GORAB: variants seen among roughly 807,000 people sequenced by gnomAD.
GORAB encodes golgin, RAB6 interacting.
A neutral mutation model predicts 29.9 loss-of-function variants in GORAB; 17 were observed. That is an observed-to-expected ratio of 0.57 (90% confidence interval 0.39 to 0.85). GORAB has a LOEUF of 0.85. Ranked by LOEUF, GORAB falls within the 40% of genes least tolerant of loss-of-function variation. The pLI is 0.00. For missense variants in GORAB, 442 were observed against 437.8 expected, an observed-to-expected ratio of 1.01 and a Z score of -0.09; for synonymous variants, 183 against 157.2, an observed-to-expected ratio of 1.16 and a Z score of -1.23.
Position 170,539,268 on chromosome 1 carries a change from A to G in GORAB, c.120A>G (p.Arg40=). ...PAKKSRQQLQ[R]EKALVEQSQK... The stretch of plus-strand genomic sequence containing the variant: ...AGAAAAGTCGACAACAACTTCAGCG[A>G]GAAAAAGCCCTTGTAGAGCAAAGCC... Residue 40 remains arginine (R), a synonymous_variant, in exon 2 of 5, where the codon CGA becomes CGG. Coordinates refer to ENST00000367763, the MANE Select transcript of GORAB (RefSeq NM_152281.3). The G allele has an allele frequency of 6.2e-7, 1 of 1,614,180 alleles. No individual in the cohort carries two copies. Among genetic ancestry groups the G allele is most frequent in the Non-Finnish European group, 8.5e-7 (1 of 1,180,012 alleles).
intron 2 of GORAB, among the ~76,000 whole-genome samples, chr1:170,540,689 A>G (rs1268944913): frequency 1.3e-5 from 2 of 152,230 alleles, no homozygotes; most frequent in South Asian, 2.1e-4. Context: ...GAGCTGGACA[A>G]TTTGGATTGG....
Position 170,553,230 on chromosome 1 carries a change from G to T in GORAB, c.*768G>T. On this transcript the variant is annotated 3_prime_UTR_variant, in exon 5 of 5. Coordinates refer to ENST00000367763, the MANE Select transcript of GORAB (RefSeq NM_152281.3). ...TGAAAATAATATAGAAAATCTCATT[G>T]CTACTTGTGATTATCAAAAAAAGTA... is the stretch of plus-strand genomic sequence containing the variant. 2.3e-6 allele frequency: 1 copy of T among 439,508 alleles called. No individual in the cohort carries two copies. The highest frequency in any genetic ancestry group is 4.5e-6 in the Non-Finnish European group (1 of 222,388). The allele number at this position is 439,508 out of a possible 1,614,324, so 27.2% of individuals were successfully genotyped here. A position where few individuals can be genotyped will look rare whatever the true frequency, so the allele number is the denominator to read the frequency against.
intron 4 of GORAB, among the ~76,000 whole-genome samples, chr1:170,546,454 C>T (rs1031432196): frequency 2.0e-4 from 30 of 151,626 alleles, no homozygotes; most frequent in African/African-American, 4.6e-4. Context: ...TGGAGAAAGA[C>T]GCTTTTTCAT....
chr1:170,552,969 T>G lies in GORAB; in HGVS notation c.*507T>G, dbSNP rs1249444086. ...GTTGAATTATCTATCTGGATATTAC[T>G]AGAGTTGTAAAACACAACTTGGAAA... On this transcript the variant is annotated 3_prime_UTR_variant, in exon 5 of 5. Coordinates refer to ENST00000367763, the MANE Select transcript of GORAB (RefSeq NM_152281.3). 2 of 452,710 alleles carry G rather than the reference T, an allele frequency of 4.4e-6. No homozygotes were observed. The highest frequency in any genetic ancestry group is 8.8e-6 in the Non-Finnish European group (2 of 226,454). 28.0% of individuals were successfully genotyped at this position (452,710 alleles called of 1,614,324 possible).
At chr1:170,541,778 G>A (rs181665502) in intron 2 of GORAB, among the ~76,000 whole-genome samples, 14 of 152,124 alleles carry the variant, frequency 9.2e-5, no homozygotes, top group African/African-American at 2.7e-4. Context: ...CTTTAGCCCA[G>A]CATTCCAGTC....
At chr1:170,549,563 G>A (rs539910860) in intron 4 of GORAB, among the ~76,000 whole-genome samples, 1 of 152,224 alleles carries the variant, frequency 6.6e-6, no homozygotes, top group Admixed American at 6.5e-5. Context: ...GAAAAGGGAG[G>A]TTTGAGGCAG....
intron 4 of GORAB, chr1:170,545,273 C>G (rs1209096671): frequency 1.0e-6 from 1 of 985,858 alleles, no homozygotes; most frequent in Non-Finnish European, 1.2e-6. Flanking sequence ...GAAGTCTAGT[C>G]CTCACTTTAG....
At chr1:170,549,102 AAG>A (rs1264787298) in intron 4 of GORAB, among the ~76,000 whole-genome samples, 1 of 152,176 alleles carries the variant, frequency 6.6e-6, no homozygotes, top group Non-Finnish European at 1.5e-5. Context: ...TACCAAAACA[AAG>A]AGACAATTTC....
chr1:170,539,175 C>T, intron 1 of GORAB, 35 bp from the exon 2 acceptor site: 1 of 1,612,700 alleles, frequency 6.2e-7, no homozygotes, highest in East Asian at 2.2e-5. Flanking sequence ...TTGCTGCCCA[C>T]ACAAAGGAAT....
intron 4 of GORAB, among the ~76,000 whole-genome samples, chr1:170,547,079 G>A (rs114660983): frequency 0.013 from 2,038 of 152,228 alleles, 21 homozygotes; most frequent in Middle Eastern, 0.024. Flanking sequence ...TTGTTCATGC[G>A]TAAGATTAAG....
intron 4 of GORAB, 28 bp from the exon 5 acceptor site, chr1:170,551,987 G>A (rs779033213): frequency 1.9e-6 from 3 of 1,586,444 alleles, no homozygotes; most frequent in South Asian, 2.2e-5. Context: ...GAAAACTGAT[G>A]GACCTATCTT....
chr1:170,540,382 A>C (rs1649340778), intron 2 of GORAB, among the ~76,000 whole-genome samples: 1 of 151,276 alleles, frequency 6.6e-6, no homozygotes, highest in African/African-American at 2.4e-5. Flanking sequence ...CTCCTGATTT[A>C]TCTCTCACAG....
chr1:170,537,144 C>A (rs1412827520), intron 1 of GORAB, among the ~76,000 whole-genome samples: 1 of 150,834 alleles, frequency 6.6e-6, no homozygotes, highest in East Asian at 2.0e-4. Flanking sequence ...TCCTTTCTTT[C>A]TTCTTTGTCT....
At chr1:170,535,305 A>G (rs1338288292) in intron 1 of GORAB, among the ~76,000 whole-genome samples, 1 of 152,196 alleles carries the variant, frequency 6.6e-6, no homozygotes, top group Non-Finnish European at 1.5e-5. Context: ...CTTTTTAATC[A>G]TATAGGTTGG....
At chr1:170,549,435 A>T (rs1157523343) in intron 4 of GORAB, among the ~76,000 whole-genome samples, 1 of 152,240 alleles carries the variant, frequency 6.6e-6, no homozygotes, top group Non-Finnish European at 1.5e-5. Flanking sequence ...AGGGTGATAG[A>T]TCAATGGAAA....
At chr1:170,538,768 T>C (rs1649208262) in intron 1 of GORAB, among the ~76,000 whole-genome samples, 1 of 152,170 alleles carries the variant, frequency 6.6e-6, no homozygotes, top group Admixed American at 6.5e-5. Flanking sequence ...CTGTTAAAAT[T>C]TAAGAGAGGG....
chr1:170,534,742 G>A (rs1333557838), intron 1 of GORAB, among the ~76,000 whole-genome samples: 1 of 152,084 alleles, frequency 6.6e-6, no homozygotes, highest in Non-Finnish European at 1.5e-5. Context: ...GTATATAGTA[G>A]GCTGTACCAT....
rs1650252238 is a variant in GORAB, at chr1:170,553,398, A to C, written c.*936A>C. 1 of 451,492 alleles carries C rather than the reference A, an allele frequency of 2.2e-6. No homozygotes were observed. Among genetic ancestry groups the C allele is most frequent in the South Asian group, 1.6e-5 (1 of 63,088 alleles). 28.0% of individuals were successfully genotyped at this position (451,492 alleles called of 1,614,324 possible). On this transcript the variant is annotated 3_prime_UTR_variant, in exon 5 of 5. Coordinates refer to ENST00000367763, the MANE Select transcript of GORAB (RefSeq NM_152281.3). ...CCTGTTACTAGTACTTGACCAATAC[A>C]TTGTGCTATATGTAAATGTGTAAAT...
intron 1 of GORAB, chr1:170,538,957 C>T: frequency 1.9e-6 from 1 of 523,836 alleles, no homozygotes; most frequent in Non-Finnish European, 3.4e-6. Context: ...TAAGGCCTAA[C>T]TCACTGATGG....
Sources: allele counts gnomAD v4.1 joint callset (sites outside exome capture counted in the v4.1 genomes callset), GRCh38; gene constraint gnomAD v4.1.1; transcripts MANE v1.5; gene names NCBI Gene and HGNC (gene_info 2026-07-23, HGNC 2026-07-21).